The following OSBPL11 variants were observed in gnomAD, a reference collection of about 807,000 sequenced individuals.
OSBPL11 encodes the protein oxysterol-binding protein-related protein 11.
A neutral mutation model predicts 84.4 loss-of-function variants in OSBPL11; 33 were observed. The observed-to-expected ratio is 0.39, with a 90% CI of 0.30 to 0.52. OSBPL11 has a LOEUF of 0.52. Among genes scored for constraint, OSBPL11 ranks in the 20% least tolerant of loss-of-function variants. The probability of loss-of-function intolerance (pLI) is 0.72; values close to 1 mark genes in which losing one functional copy is unlikely to be tolerated. For synonymous variants in OSBPL11, 276 were observed against 310.2 expected, an observed-to-expected ratio of 0.89 and a Z score of 1.16; for missense variants, 736 against 901.1, an observed-to-expected ratio of 0.82 and a Z score of 2.35.
chr3:125,586,370 G>C (rs954559847), intron 1 of OSBPL11, among the ~76,000 whole-genome samples: 1 of 152,094 alleles, frequency 6.6e-6, no homozygotes, highest in Non-Finnish European at 1.5e-5. Flanking sequence ...ATTAGTAGTG[G>C]AAGCTGATAG....
chr3:125,585,046 T>C (rs1936485420), intron 1 of OSBPL11, among the ~76,000 whole-genome samples: 1 of 152,138 alleles, frequency 6.6e-6, no homozygotes, highest in Non-Finnish European at 1.5e-5. Context: ...TCCTAAAGTG[T>C]TGGGATTACA....
At chr3:125,553,281 CT>C (rs1935940652) in intron 8 of OSBPL11, among the ~76,000 whole-genome samples, 2 of 152,190 alleles carry the variant, frequency 1.3e-5, no homozygotes, top group Non-Finnish European at 2.9e-5. Flanking sequence ...TTAGCCATGC[CT>C]TTGCTCCTTT....
At chr3:125,575,983 C>G (rs1936315899) in intron 5 of OSBPL11, among the ~76,000 whole-genome samples, 2 of 149,866 alleles carry the variant, frequency 1.3e-5, no homozygotes, top group Admixed American at 1.3e-4. Context: ...TGAAAAATGA[C>G]CATGTACCTA....
intron 9 of OSBPL11, among the ~76,000 whole-genome samples, chr3:125,550,413 C>CA (rs796125826): frequency 0.016 from 1,547 of 99,700 alleles, 22 homozygotes; most frequent in African/African-American, 0.042. Context: ...ACACAACAAA[C>CA]AAAAAAAAAA....
At chr3:125,543,676 A>G (rs576667633) in intron 10 of OSBPL11, among the ~76,000 whole-genome samples, 33 of 152,044 alleles carry the variant, frequency 2.2e-4, no homozygotes, top group African/African-American at 5.3e-4. Context: ...CAAGGTGGGC[A>G]GATCACTTGA....
chr3:125,529,561 G>A lies in OSBPL11; in HGVS notation c.*954C>T, dbSNP rs3174607. ...ATCATTTATTTTAATTTTTAACAGA[G>A]GTAAAATAAAGCATACTTATCCAAA... On this transcript the variant is annotated 3_prime_UTR_variant, in exon 13 of 13. Coordinates refer to ENST00000296220, the MANE Select transcript of OSBPL11 (RefSeq NM_022776.5). The A allele has an allele frequency of 0.048, 7,306 of 151,920 alleles. 233 individuals are homozygous for A. Among genetic ancestry groups the A allele is most frequent in the Non-Finnish European group, 0.07 (4,753 of 67,886 alleles). 9.4% of individuals were successfully genotyped at this position (151,920 alleles called of 1,614,324 possible).
intron 2 of OSBPL11, among the ~76,000 whole-genome samples, 175 bp from the exon 3 acceptor site, chr3:125,580,215 T>C (rs1936401650): frequency 6.6e-6 from 1 of 152,132 alleles, no homozygotes; most frequent in African/African-American, 2.4e-5. Flanking sequence ...GGAAGATTAC[T>C]AAAAATCGAA....
chr3:125,540,309 A>G (rs1935709939), intron 10 of OSBPL11, among the ~76,000 whole-genome samples: 1 of 136,744 alleles, frequency 7.3e-6, no homozygotes, highest in African/African-American at 2.8e-5. Flanking sequence ...AGCCTGGGCG[A>G]CAGAGGATGG....
Position 125,547,561 on chromosome 3 carries a change from C to T in OSBPL11, c.1686G>A (p.Glu562=). 1 of 1,612,744 alleles carries T rather than the reference C, an allele frequency of 6.2e-7. No homozygotes were observed. Among genetic ancestry groups the T allele is most frequent in the African/African-American group, 1.3e-5 (1 of 74,956 alleles). ...GILSLLEHGE[E]YTFSLPCAYA... ...ATGCACAGGGTAGAGAAAATGTGTA[C>T]TCTTCTCCATGCTCCAACAGACTAA... Residue 562 remains glutamate, a synonymous_variant, in exon 10 of 13, where the codon GAG becomes GAA. Transcript: ENST00000296220.
intron 9 of OSBPL11, among the ~76,000 whole-genome samples, chr3:125,550,817 C>T (rs1323115852): frequency 2.0e-5 from 3 of 152,076 alleles, no homozygotes; most frequent in African/African-American, 7.2e-5. Context: ...TAACTTTTAT[C>T]AGCATATATT....
chr3:125,593,493 G>A (rs547220762), intron 1 of OSBPL11, among the ~76,000 whole-genome samples: 3 of 151,826 alleles, frequency 2.0e-5, no homozygotes, highest in Admixed American at 2.0e-4. Flanking sequence ...GGTGGCGCAC[G>A]CCTGTAATCC....
chr3:125,573,595 G>A (rs1201632611), intron 5 of OSBPL11, among the ~76,000 whole-genome samples: 3 of 152,138 alleles, frequency 2.0e-5, no homozygotes, highest in Admixed American at 1.3e-4. Context: ...AGGTGCGGTG[G>A]CTCACGCCTG....
intron 11 of OSBPL11, among the ~76,000 whole-genome samples, chr3:125,536,130 C>A (rs1366940136): frequency 1.7e-5 from 2 of 117,836 alleles, no homozygotes; most frequent in South Asian, 5.2e-4. Flanking sequence ...GTGAGTCCAT[C>A]TCAAAAAAAA....
At chr3:125,588,248 G>C (rs1168443966) in intron 1 of OSBPL11, among the ~76,000 whole-genome samples, 1 of 148,002 alleles carries the variant, frequency 6.8e-6, no homozygotes. Flanking sequence ...AAAAAGAGAA[G>C]TTCAGTGCTA....
At chr3:125,565,240 T>C (rs904620722) in intron 6 of OSBPL11, among the ~76,000 whole-genome samples, 2 of 151,884 alleles carry the variant, frequency 1.3e-5, no homozygotes, top group Admixed American at 1.3e-4. Flanking sequence ...TGAGAAGAAA[T>C]ATAAAATAAA....
intron 6 of OSBPL11, among the ~76,000 whole-genome samples, chr3:125,564,996 G>A (rs969169377): frequency 6.6e-6 from 1 of 152,152 alleles, no homozygotes; most frequent in African/African-American, 2.4e-5. Flanking sequence ...TATTTATTGA[G>A]CATCTAATAT....
intron 10 of OSBPL11, 99 bp from the exon 11 acceptor site, chr3:125,538,732 A>G: frequency 9.5e-7 from 1 of 1,049,946 alleles, no homozygotes; most frequent in South Asian, 1.7e-5. Context: ...ATCCTGTTGA[A>G]ATTAGTTATA....
chr3:125,547,758 C>T (rs1376551245), intron 9 of OSBPL11, among the ~76,000 whole-genome samples, 166 bp from the exon 10 acceptor site: 1 of 152,160 alleles, frequency 6.6e-6, no homozygotes, highest in Non-Finnish European at 1.5e-5. Context: ...TCTGACATTA[C>T]CAGGCAATAG....
At chr3:125,533,238 TTCTCG>T (rs1340852827) in intron 11 of OSBPL11, among the ~76,000 whole-genome samples, 1 of 145,836 alleles carries the variant, frequency 6.9e-6, no homozygotes, top group Non-Finnish European at 1.5e-5. Flanking sequence ...TTCTCTTCTG[TTCTCG>T]TCTCTTCTCT....
Sources: allele counts gnomAD v4.1 joint callset (sites outside exome capture counted in the v4.1 genomes callset), GRCh38; gene constraint gnomAD v4.1.1; transcripts MANE v1.5; gene names NCBI Gene and HGNC (gene_info 2026-07-23, HGNC 2026-07-21).